SOX6: variants seen among roughly 807,000 people sequenced by gnomAD.
SOX6 encodes transcription factor SOX-6.
SOX6 carries 11 observed loss-of-function variants against 97.8 expected under a neutral mutation model. The observed-to-expected ratio is 0.11, with a 90% CI of 0.07 to 0.19. The LOEUF (loss-of-function observed/expected upper bound fraction) is 0.19. Among genes scored for constraint, SOX6 ranks in the 10% least tolerant of loss-of-function variants. The pLI is 1.00. For missense variants in SOX6, 810 were observed against 1,039.5 expected (o/e 0.78, Z 3.04); for synonymous variants, 360 against 371.4 (o/e 0.97, Z 0.35).
intron 4 of SOX6, among the ~76,000 whole-genome samples, chr11:16,577,464 C>T (rs746763098): frequency 6.6e-6 from 1 of 152,004 alleles, no homozygotes; most frequent in African/African-American, 2.4e-5. Flanking sequence ...CATATAGTAA[C>T]GCTGTGTTTT....
At position 16,063,584 on chromosome 11, in the gene SOX6, T is replaced by C. The variant is rs1181721238; in HGVS notation, c.1102-7683A>G. Among the ~76,000 whole-genome samples the C allele has an allele frequency of 1.2e-4, 15 of 126,596 alleles. No homozygotes were observed. In the East Asian group the frequency reaches 2.4e-3, roughly 21 times the overall value. The allele number at this position is 126,596 out of a possible 152,430, so 83.1% of individuals were successfully genotyped here. On this transcript the variant is annotated intron_variant, in intron 9 of 15. Coordinates refer to ENST00000683767, the MANE Select transcript of SOX6 (RefSeq NM_001367873.1). ...CTTTCTATGATACAATCATTTAGGA[T>C]CTCTAATGGAGTGTGCCAAACAGAA... is the stretch of plus-strand genomic sequence containing the variant.
At position 15,968,020 on chromosome 11, in the gene SOX6, A is replaced by G. The variant is rs778021434; in HGVS notation, c.*4789T>C. On this transcript the variant is annotated 3_prime_UTR_variant, in exon 16 of 16. Coordinates refer to ENST00000683767, the MANE Select transcript of SOX6 (RefSeq NM_001367873.1). Reference sequence around the variant, plus strand: ...GGATGAAAAGGAAATGTGTTTGCATATCAATATTTTCAATGATATTAGTAC... The same window carrying G: ...GGATGAAAAGGAAATGTGTTTGCATGTCAATATTTTCAATGATATTAGTAC... 6.6e-6 allele frequency: 1 copy of G among 152,060 alleles called. No homozygotes were observed. Among genetic ancestry groups the G allele is most frequent in the Non-Finnish European group, 1.5e-5 (1 of 68,036 alleles). The allele number at this position is 152,060 out of a possible 1,614,324, so 9.4% of individuals were successfully genotyped here. A position where few individuals can be genotyped will look rare whatever the true frequency, so the allele number is the denominator to read the frequency against.
intron 3 of SOX6, among the ~76,000 whole-genome samples, chr11:16,688,526 T>C (rs576420191): frequency 6.6e-6 from 1 of 152,306 alleles, no homozygotes; most frequent in East Asian, 1.9e-4. Context: ...AGATATTTAA[T>C]CTTTTCTTCT....
chr11:16,359,833 C>A (rs1857164526), upstream of SOX6, among the ~76,000 whole-genome samples: 1 of 152,168 alleles, frequency 6.6e-6, no homozygotes, highest in Admixed American at 6.5e-5. Context: ...TACTATGCGA[C>A]AAGCTCATTA....
intron 1 of SOX6, chr11:16,738,351 A>G (rs1308922363): frequency 5.1e-6 from 1 of 194,970 alleles, no homozygotes; most frequent in Non-Finnish European, 1.1e-5. Context: ...CCAGTAGGGC[A>G]GCGTTGCACG....
intron 6 of SOX6, among the ~76,000 whole-genome samples, chr11:16,139,014 T>C (rs958256823): frequency 6.6e-6 from 1 of 152,218 alleles, no homozygotes; most frequent in Non-Finnish European, 1.5e-5. Context: ...GTACCTAAAC[T>C]TTTTTCCTAA....
intron 1 of SOX6, among the ~76,000 whole-genome samples, chr11:16,381,631 T>G (rs1168277681): frequency 6.6e-6 from 1 of 152,060 alleles, no homozygotes; most frequent in African/African-American, 2.4e-5. Context: ...ACATTCTTCA[T>G]GAAAATATGC....
chr11:16,252,880 G>T (rs1177683013), intron 3 of SOX6, among the ~76,000 whole-genome samples: 1 of 152,062 alleles, frequency 6.6e-6, no homozygotes, highest in African/African-American at 2.4e-5. Context: ...TGAAGACACA[G>T]GCTCACCAAA....
chr11:16,302,439 A>G (rs1387073730), intron 3 of SOX6, among the ~76,000 whole-genome samples: 1 of 151,780 alleles, frequency 6.6e-6, no homozygotes, highest in African/African-American at 2.4e-5. Flanking sequence ...GGATTCCATT[A>G]TATCTCTTGT....
At chr11:16,270,387 A>T (rs1003809265) in intron 3 of SOX6, among the ~76,000 whole-genome samples, 14 of 151,356 alleles carry the variant, frequency 9.2e-5, no homozygotes, top group Admixed American at 9.2e-4. Context: ...ATCCTCCTAC[A>T]TTGCGGGGGA....
At chr11:16,311,752 A>T (rs984319276) in intron 3 of SOX6, 16 of 152,324 alleles carry the variant, frequency 1.1e-4, no homozygotes, top group African/African-American at 3.8e-4. Flanking sequence ...ACTCAGATCT[A>T]GCTCAAAGAC....
At chr11:16,538,576 C>T (rs1443922325) in intron 4 of SOX6, among the ~76,000 whole-genome samples, 1 of 152,028 alleles carries the variant, frequency 6.6e-6, no homozygotes. Context: ...ATTCAGGAGA[C>T]CCATCTCATG....
intron 1 of SOX6, among the ~76,000 whole-genome samples, chr11:16,395,010 A>G (rs1858306767): frequency 6.6e-6 from 1 of 151,894 alleles, no homozygotes; most frequent in Non-Finnish European, 1.5e-5. Context: ...CCAATCTTAG[A>G]GCATCAAGTT....
At chr11:16,184,732 T>C (rs1356121438) in intron 5 of SOX6, among the ~76,000 whole-genome samples, 1 of 152,110 alleles carries the variant, frequency 6.6e-6, no homozygotes, top group African/African-American at 2.4e-5. Flanking sequence ...GGAGGTCAAA[T>C]AGCTTCCTTA....
At chr11:15,999,340 A>G (rs932160502) in intron 13 of SOX6, among the ~76,000 whole-genome samples, 3 of 152,290 alleles carry the variant, frequency 2.0e-5, no homozygotes, top group South Asian at 2.1e-4. Context: ...ATTAAAATGC[A>G]TATTTACTTA....
intron 11 of SOX6, among the ~76,000 whole-genome samples, chr11:16,047,751 C>A (rs998855549): frequency 6.7e-6 from 1 of 149,974 alleles, no homozygotes; most frequent in African/African-American, 2.5e-5. Context: ...TGTGTATACA[C>A]CTCACATAGG....
intron 6 of SOX6, among the ~76,000 whole-genome samples, chr11:16,127,572 T>C (rs180788837): frequency 1.3e-5 from 2 of 152,252 alleles, no homozygotes; most frequent in Admixed American, 6.5e-5. Flanking sequence ...TAAAACTGTA[T>C]TTGAAACATG....
Position 16,096,122 on chromosome 11 carries a change from T to C in SOX6, c.979-4A>G, listed in dbSNP as rs1848788651. The C allele has an allele frequency of 6.2e-7, 1 of 1,610,666 alleles. No individual in the cohort carries two copies. The highest frequency in any genetic ancestry group is 8.5e-7 in the Non-Finnish European group (1 of 1,178,134). On this transcript the variant is annotated splice_region_variant and splice_polypyrimidine_tract_variant and intron_variant, in intron 8 of 15. Transcript: ENST00000683767. ...GTGGGTGGGAGACATGACCCTTCTG[T>C]TTAGTAGCATATTCAGAAAAAAAAA... is the stretch of plus-strand genomic sequence containing the variant.
intron 4 of SOX6, among the ~76,000 whole-genome samples, chr11:16,554,137 G>A (rs984385417): frequency 6.6e-6 from 1 of 152,112 alleles, no homozygotes; most frequent in African/African-American, 2.4e-5. Context: ...TGCAACTTGA[G>A]TCTTGTTATT....
Sources: allele counts gnomAD v4.1 joint callset (sites outside exome capture counted in the v4.1 genomes callset), GRCh38; gene constraint gnomAD v4.1.1; transcripts MANE v1.5; gene names NCBI Gene and HGNC (gene_info 2026-07-23, HGNC 2026-07-21).